The following MECOM variants were observed in gnomAD, a reference collection of about 807,000 sequenced individuals.
MECOM encodes the protein histone-lysine N-methyltransferase MECOM.
A neutral mutation model predicts 116.3 loss-of-function variants in MECOM; 13 were observed. The observed-to-expected ratio is 0.11, with a 90% confidence interval of 0.07 to 0.18. The LOEUF (loss-of-function observed/expected upper bound fraction) is 0.18. MECOM is among the 10% of genes least tolerant of loss of function. MECOM has a pLI of 1.00. For synonymous variants in MECOM, 528 were observed against 535.2 expected (o/e 0.99, Z 0.19); for missense variants, 1,299 against 1,509.0 (o/e 0.86, Z 2.31).
chr3:169,434,380 G>C (rs1235814613), intron 1 of MECOM, among the ~76,000 whole-genome samples: 1 of 151,820 alleles, frequency 6.6e-6, no homozygotes, highest in Non-Finnish European at 1.5e-5. Flanking sequence ...TTCCTCCTCA[G>C]TAATATGTTC....
At position 169,617,677 on chromosome 3, in the gene MECOM, C is replaced by A. The variant is rs535196387; in HGVS notation, c.37+45659G>T. ...TTTGGTTTTTCTCTTCTTTGAGCAA[C>A]TTTGGTCTATAAAGACTTGTCCCCT... On this transcript the variant is annotated intron_variant, in intron 1 of 16. Transcript: ENST00000651503. Among the ~76,000 whole-genome samples, 48 of 152,302 alleles carry A rather than the reference C, an allele frequency of 3.2e-4. No homozygotes were observed. The South Asian group carries it at 9.8e-3, about 31-fold the overall frequency.
rs552652403 is a variant in MECOM, at chr3:169,587,918, C to A, written c.37+75418G>T. Reference sequence around the variant, plus strand: ...TGAATCCCTTTATCCAAAATTAAATCCTGGCCTTAAGGATCAGATCCAGAA... The same window carrying A: ...TGAATCCCTTTATCCAAAATTAAATACTGGCCTTAAGGATCAGATCCAGAA... On this transcript the variant is annotated intron_variant, in intron 1 of 16. Coordinates refer to ENST00000651503, the MANE Select transcript of MECOM (RefSeq NM_004991.4). Among the ~76,000 whole-genome samples the A allele has an allele frequency of 5.3e-5, 8 of 152,022 alleles. No individual in the cohort carries two copies. The South Asian group carries it at 1.7e-3, about 32-fold the overall frequency.
At chr3:169,221,150 T>C (rs961652699) in intron 2 of MECOM, among the ~76,000 whole-genome samples, 1 of 152,214 alleles carries the variant, frequency 6.6e-6, no homozygotes, top group African/African-American at 2.4e-5. Context: ...ACTGGAACTA[T>C]CTTGCAGTGT....
At chr3:169,116,878 A>G in intron 7 of MECOM, 139 bp from the exon 8 acceptor site, 1 of 1,053,028 alleles carries the variant, frequency 9.5e-7, no homozygotes. Flanking sequence ...GGGTGCTCCA[A>G]ACACAGAAAA....
intron 1 of MECOM, among the ~76,000 whole-genome samples, chr3:169,494,236 C>A (rs906018348): frequency 6.6e-6 from 1 of 151,912 alleles, no homozygotes; most frequent in Admixed American, 6.6e-5. Context: ...TGATGTTGCT[C>A]TTGTGATTTT....
At chr3:169,410,760 A>G (rs1239480307) in intron 1 of MECOM, among the ~76,000 whole-genome samples, 1 of 152,042 alleles carries the variant, frequency 6.6e-6, no homozygotes, top group Non-Finnish European at 1.5e-5. Context: ...TTTTCCTTTC[A>G]TTCTGCTTGG....
At chr3:169,644,652 C>T (rs1773931700) in intron 1 of MECOM, among the ~76,000 whole-genome samples, 1 of 152,126 alleles carries the variant, frequency 6.6e-6, no homozygotes, top group Non-Finnish European at 1.5e-5. Flanking sequence ...CTCTTTTCAA[C>T]AATTGAACCA....
intron 1 of MECOM, among the ~76,000 whole-genome samples, chr3:169,480,020 T>C (rs1751050412): frequency 6.6e-6 from 1 of 152,234 alleles, no homozygotes; most frequent in South Asian, 2.1e-4. Context: ...CGATGTACTT[T>C]CCACAGTGAA....
chr3:169,485,988 T>TACATATGTAC lies in MECOM; in HGVS notation c.38-104465_38-104464insGTACATATGT, dbSNP rs1752268115. ...ACTATATATACATATATATATAGTA[T>TACATATGTAC]ATATATGTATATATATACTATATAT... On this transcript the variant is annotated intron_variant, in intron 1 of 16. Transcript: ENST00000651503. Among the ~76,000 whole-genome samples the TACATATGTAC allele has an allele frequency of 6.1e-5, 6 of 98,564 alleles. 1 individual carries two copies. Among genetic ancestry groups the TACATATGTAC allele is most frequent in the African/African-American group, 2.1e-4 (5 of 23,338 alleles). 64.7% of individuals were successfully genotyped at this position (98,564 alleles called of 152,430 possible). A position where few individuals can be genotyped will look rare whatever the true frequency, so the allele number is the denominator to read the frequency against.
chr3:169,489,261 A>G (rs936538643), intron 1 of MECOM, among the ~76,000 whole-genome samples: 1 of 152,236 alleles, frequency 6.6e-6, no homozygotes, highest in African/African-American at 2.4e-5. Flanking sequence ...CTAGTATTAA[A>G]GAAGGGGTTT....
intron 2 of MECOM, among the ~76,000 whole-genome samples, chr3:169,368,409 G>T (rs762961556): frequency 6.6e-6 from 1 of 152,016 alleles, no homozygotes; most frequent in Non-Finnish European, 1.5e-5. Context: ...ACTTTGAGAT[G>T]TTAAGATACT....
At chr3:169,576,830 C>CAGAG (rs1473772019) in intron 1 of MECOM, among the ~76,000 whole-genome samples, 55 of 97,386 alleles carry the variant, frequency 5.6e-4, no homozygotes, top group African/African-American at 1.1e-3. Context: ...CACACACACA[C>CAGAG]ACACACACAG....
intron 1 of MECOM, among the ~76,000 whole-genome samples, chr3:169,593,422 G>C (rs139897613): frequency 0.019 from 2,865 of 152,236 alleles, 56 homozygotes; most frequent in South Asian, 0.026. Context: ...TTTCCCAATA[G>C]AGGAACCATT....
intron 1 of MECOM, among the ~76,000 whole-genome samples, chr3:169,542,993 G>A (rs146263216): frequency 9.2e-5 from 14 of 152,304 alleles, no homozygotes; most frequent in African/African-American, 3.1e-4. Context: ...TCTATTTTCC[G>A]AAAGTCAACA....
intron 1 of MECOM, among the ~76,000 whole-genome samples, chr3:169,644,236 G>T (rs904114851): frequency 6.8e-6 from 1 of 148,048 alleles, no homozygotes; most frequent in African/African-American, 2.5e-5. Context: ...TTATTTATTT[G>T]TTTATTTATT....
intron 2 of MECOM, among the ~76,000 whole-genome samples, chr3:169,154,421 GA>G (rs5854311): frequency 0.49 from 74,359 of 151,030 alleles, 19,102 homozygotes; most frequent in African/African-American, 0.63. Flanking sequence ...GATGTTTGTT[GA>G]AAAAAAAATG....
chr3:169,508,106 G>A (rs1176356383), intron 1 of MECOM, among the ~76,000 whole-genome samples: 1 of 152,138 alleles, frequency 6.6e-6, no homozygotes, highest in Non-Finnish European at 1.5e-5. Context: ...GTGCTCAATA[G>A]GTCATAGTTG....
At chr3:169,380,066 A>C (rs1178330333) in intron 2 of MECOM, among the ~76,000 whole-genome samples, 4 of 152,186 alleles carry the variant, frequency 2.6e-5, no homozygotes, top group Admixed American at 6.5e-5. Context: ...CATTTTGAAC[A>C]GATTTCACAA....
intron 2 of MECOM, among the ~76,000 whole-genome samples, chr3:169,318,353 A>C (rs1487744403): frequency 6.6e-6 from 1 of 152,234 alleles, no homozygotes; most frequent in Non-Finnish European, 1.5e-5. Context: ...AATGGGAGAA[A>C]ATTTTTGCAA....
Sources: allele counts gnomAD v4.1 joint callset (sites outside exome capture counted in the v4.1 genomes callset), GRCh38; gene constraint gnomAD v4.1.1; transcripts MANE v1.5; gene names NCBI Gene and HGNC (gene_info 2026-07-23, HGNC 2026-07-21).